Variants in CCDC171 observed in about 807,000 individuals in gnomAD.
The protein encoded by CCDC171 is coiled-coil domain-containing protein 171.
CCDC171 carries 177 observed loss-of-function variants against 168.2 expected under a neutral mutation model. The ratio of observed to expected loss-of-function variants is 1.05; its 90% CI spans 0.93 to 1.19. The LOEUF (loss-of-function observed/expected upper bound fraction) is 1.19, where lower values mean the gene tolerates loss of function less well. Ranked by LOEUF, CCDC171 falls within the 50% of genes most tolerant of loss-of-function variation. The probability of loss-of-function intolerance (pLI) is 0.00; values close to 1 mark genes in which losing one functional copy is unlikely to be tolerated. For missense variants in CCDC171, 1,991 were observed against 1,539.0 expected, an observed-to-expected ratio of 1.29 and a Z score of -4.91; for synonymous variants, 687 against 540.8, an observed-to-expected ratio of 1.27 and a Z score of -3.75.
intron 8 of CCDC171, among the ~76,000 whole-genome samples, chr9:15,665,229 C>T (rs574098749): frequency 3.9e-5 from 6 of 152,108 alleles, no homozygotes; most frequent in African/African-American, 9.7e-5. Context: ...CTGGCTCAAA[C>T]GATCCTCCCT....
intron 6 of CCDC171, among the ~76,000 whole-genome samples, chr9:15,617,654 G>T (rs1049844427): frequency 6.6e-6 from 1 of 152,128 alleles, no homozygotes; most frequent in African/African-American, 2.4e-5. Context: ...GGGATTACAG[G>T]CGTGAGCCAC....
the CCDC171 span, among the ~76,000 whole-genome samples, chr9:16,105,554 A>T: frequency 1.3e-5 from 2 of 152,192 alleles, no homozygotes; most frequent in African/African-American, 2.4e-5. Context: ...CTAGCCTTGG[A>T]TGGATTTACG....
chr9:15,610,312 A>G (rs1200278810), intron 6 of CCDC171, among the ~76,000 whole-genome samples: 2 of 146,264 alleles, frequency 1.4e-5, no homozygotes, highest in African/African-American at 5.1e-5. Context: ...TGCAGCTTAA[A>G]CCTCCTGGGC....
chr9:15,693,211 CACAG>C (rs891055187), intron 10 of CCDC171, among the ~76,000 whole-genome samples: 2 of 18,524 alleles, frequency 1.1e-4, no homozygotes, highest in Admixed American at 7.7e-4. Context: ...AATAGGTACA[CACAG>C]ACACACATGC....
chr9:15,652,756 G>C (rs1003960137), intron 7 of CCDC171, among the ~76,000 whole-genome samples: 106 of 152,234 alleles, frequency 7.0e-4, no homozygotes, highest in African/African-American at 2.2e-3. Flanking sequence ...CTGTAGCTTT[G>C]TAGTGAGTTT....
Position 16,019,420 on chromosome 9 carries a change from A to G in CCDC171, n.369-1169A>G, listed in dbSNP as rs149632853. 5.4e-4 allele frequency among the ~76,000 whole-genome samples: 82 copies of G among 152,288 alleles called. No homozygotes were observed. In the East Asian group the frequency reaches 0.014, roughly 27 times the overall value. On this transcript the variant is annotated intron_variant and non_coding_transcript_variant, in intron 3 of 9. Coordinates refer to the CCDC171 transcript ENST00000486641. ...TAGAGACTAATTCCCTGTAGATGAGATTTTAAATTCTGTTGTTAGGAAGAT... is the reference window on the plus strand; with the variant it reads ...TAGAGACTAATTCCCTGTAGATGAGGTTTTAAATTCTGTTGTTAGGAAGAT...
At chr9:15,855,341 C>T (rs1252949982) in intron 23 of CCDC171, among the ~76,000 whole-genome samples, 8 of 151,672 alleles carry the variant, frequency 5.3e-5, no homozygotes, top group Non-Finnish European at 1.2e-4. Flanking sequence ...TAAAGTCTTT[C>T]GTCTGATATT....
intron 9 of CCDC171, among the ~76,000 whole-genome samples, chr9:15,666,525 C>T (rs1323838618): frequency 1.3e-5 from 2 of 152,086 alleles, no homozygotes; most frequent in Non-Finnish European, 2.9e-5. Flanking sequence ...GAAGTATATT[C>T]CAAGTAGCCC....
At chr9:16,033,043 T>A (rs1398572035) in intron 6 of CCDC171, among the ~76,000 whole-genome samples, 1 of 152,034 alleles carries the variant, frequency 6.6e-6, no homozygotes, top group Non-Finnish European at 1.5e-5. Context: ...ACCCAAACCA[T>A]GAGCCAGGGA....
intron 21 of CCDC171, among the ~76,000 whole-genome samples, chr9:15,794,518 A>G (rs180853020): frequency 1.5e-5 from 2 of 137,298 alleles, no homozygotes; most frequent in South Asian, 2.4e-4. Flanking sequence ...GTTGGATATT[A>G]TGAAATACAG....
intron 2 of CCDC171, among the ~76,000 whole-genome samples, chr9:15,569,442 A>C (rs978056587): frequency 3.3e-5 from 5 of 152,216 alleles, no homozygotes; most frequent in African/African-American, 1.2e-4. Context: ...AGACTATTTA[A>C]TGTTATAAAT....
intron 1 of CCDC171, among the ~76,000 whole-genome samples, chr9:16,047,261 C>T (rs1371449420): frequency 2.6e-5 from 4 of 152,132 alleles, no homozygotes; most frequent in African/African-American, 9.7e-5. Flanking sequence ...CTCCAAGTGC[C>T]CTTAAATCTG....
intron 24 of CCDC171, chr9:15,883,313 G>C (rs1818960417): frequency 6.5e-6 from 1 of 153,238 alleles, no homozygotes; most frequent in South Asian, 2.0e-4. Flanking sequence ...TTCCATCTCA[G>C]CCTCCCAAAG....
At chr9:15,885,338 T>C (rs1247933549) in intron 24 of CCDC171, among the ~76,000 whole-genome samples, 1 of 152,234 alleles carries the variant, frequency 6.6e-6, no homozygotes, top group Non-Finnish European at 1.5e-5. Flanking sequence ...TTGTCATTAA[T>C]GTTAAGAGGC....
chr9:15,893,967 A>G (rs1407739601), intron 24 of CCDC171, among the ~76,000 whole-genome samples: 1 of 152,208 alleles, frequency 6.6e-6, no homozygotes, highest in African/African-American at 2.4e-5. Context: ...TTATAATGAT[A>G]CATGCACACG....
At chr9:15,981,396 A>T (rs1589293748) in intron 3 of CCDC171, among the ~76,000 whole-genome samples, 1 of 152,334 alleles carries the variant, frequency 6.6e-6, no homozygotes, top group African/African-American at 2.4e-5. Context: ...ATCAGCTAGC[A>T]CTTTGATTTT....
the CCDC171 span, among the ~76,000 whole-genome samples, chr9:16,100,958 T>TGACCTCTGTGGCC: frequency 3.3e-5 from 5 of 151,794 alleles, no homozygotes; most frequent in African/African-American, 1.2e-4. Flanking sequence ...CCTCTGTGGC[T>TGACCTCTGTGGCC]GACCTCTGTG....
intron 25 of CCDC171, among the ~76,000 whole-genome samples, chr9:15,931,456 C>CT (rs57124025): frequency 0.15 from 6,979 of 45,224 alleles, 674 homozygotes; most frequent in South Asian, 0.26. Flanking sequence ...TTCTTTCTTT[C>CT]TTTTTTTTTT....
chr9:15,638,294 G>T (rs962351844), intron 7 of CCDC171, among the ~76,000 whole-genome samples: 1 of 151,970 alleles, frequency 6.6e-6, no homozygotes, highest in African/African-American at 2.4e-5. Flanking sequence ...TTGTATATTA[G>T]TTAGTATATT....
Sources: gnomAD v4.1 joint callset for allele counts (sites outside exome capture counted in the v4.1 genomes callset) on GRCh38, gnomAD v4.1.1 for gene constraint, MANE v1.5 for transcripts, NCBI Gene and HGNC (gene_info 2026-07-23, HGNC 2026-07-21) for gene names.